The following SLC2A13 variants were observed in gnomAD, a reference collection of about 807,000 sequenced individuals.
SLC2A13 encodes proton myo-inositol cotransporter.
In SLC2A13, 32 loss-of-function variants were observed where a neutral mutation model predicts 64.4. The ratio of observed to expected loss-of-function variants is 0.50; its 90% CI spans 0.37 to 0.67. The LOEUF (loss-of-function observed/expected upper bound fraction) is 0.67, where lower values mean the gene tolerates loss of function less well. Ranked by LOEUF, SLC2A13 falls within the 30% of genes least tolerant of loss-of-function variation. SLC2A13 has a pLI of 0.00. For synonymous variants in SLC2A13, 338 were observed against 327.1 expected, an observed-to-expected ratio of 1.03 and a Z score of -0.36; for missense variants, 743 against 829.2, an observed-to-expected ratio of 0.90 and a Z score of 1.28.
At chr12:39,857,388 CT>C in intron 6 of SLC2A13, among the ~76,000 whole-genome samples, 1 of 152,158 alleles carries the variant, frequency 6.6e-6, no homozygotes, top group East Asian at 1.9e-4. Flanking sequence ...TCCTATATTC[CT>C]CTTGCCCTAA....
At chr12:39,953,309 T>C (rs1946264220) in intron 3 of SLC2A13, among the ~76,000 whole-genome samples, 1 of 152,210 alleles carries the variant, frequency 6.6e-6, no homozygotes, top group Admixed American at 6.5e-5. Context: ...GGATTTCCTG[T>C]TAAAAATAAA....
intron 4 of SLC2A13, among the ~76,000 whole-genome samples, chr12:39,921,002 A>C (rs185881372): frequency 6.6e-6 from 1 of 152,230 alleles, no homozygotes; most frequent in African/African-American, 2.4e-5. Context: ...GCAAACAGAC[A>C]AAGAGTAGTT....
At chr12:40,020,162 T>A in intron 3 of SLC2A13, among the ~76,000 whole-genome samples, 1 of 152,220 alleles carries the variant, frequency 6.6e-6, no homozygotes, top group Non-Finnish European at 1.5e-5. Flanking sequence ...TAAGAAACTC[T>A]GAGAAGATCT....
chr12:40,055,121 AG>A (rs1298169086), intron 1 of SLC2A13, among the ~76,000 whole-genome samples: 3 of 152,202 alleles, frequency 2.0e-5, no homozygotes, highest in East Asian at 3.8e-4. Context: ...TATGGTTACC[AG>A]GTTGTTAACA....
intron 7 of SLC2A13, among the ~76,000 whole-genome samples, chr12:39,828,692 T>A (rs1428867941): frequency 6.9e-6 from 1 of 144,722 alleles, no homozygotes; most frequent in African/African-American, 2.6e-5. Flanking sequence ...TGTTTATAAT[T>A]CTAGACTAGT....
chr12:40,061,467 G>C (rs17518204), intron 1 of SLC2A13, among the ~76,000 whole-genome samples: 426 of 152,050 alleles, frequency 2.8e-3, no homozygotes, highest in African/African-American at 9.9e-3. Flanking sequence ...GAAATATAGA[G>C]GGTCATTCTG....
intron 6 of SLC2A13, among the ~76,000 whole-genome samples, chr12:39,859,132 T>A (rs1199405531): frequency 6.6e-6 from 1 of 152,110 alleles, no homozygotes; most frequent in Admixed American, 6.6e-5. Context: ...CATCTACAGA[T>A]GAAGCCACAG....
intron 3 of SLC2A13, among the ~76,000 whole-genome samples, chr12:40,009,575 A>G (rs1947487549): frequency 6.6e-6 from 1 of 152,114 alleles, no homozygotes; most frequent in South Asian, 2.1e-4. Flanking sequence ...GGCTTCAGGC[A>G]TGTGCCACCA....
intron 6 of SLC2A13, among the ~76,000 whole-genome samples, chr12:39,838,461 T>G (rs2135866781): frequency 6.8e-6 from 1 of 146,130 alleles, no homozygotes; most frequent in South Asian, 2.2e-4. Context: ...CTGCACAATG[T>G]GCACATGTAC....
intron 1 of SLC2A13, among the ~76,000 whole-genome samples, chr12:40,072,323 G>A (rs920681784): frequency 3.3e-5 from 5 of 152,046 alleles, no homozygotes; most frequent in Non-Finnish European, 7.4e-5. Context: ...TGTGTTCTAC[G>A]TTCTATGTTC....
chr12:39,877,498 A>G (rs1409833756), intron 4 of SLC2A13, among the ~76,000 whole-genome samples: 1 of 152,238 alleles, frequency 6.6e-6, no homozygotes, highest in African/African-American at 2.4e-5. Flanking sequence ...GGACACAGCC[A>G]AACCGTATCA....
chr12:40,105,813 C>T lies in SLC2A13; in HGVS notation c.-5G>A, dbSNP rs1939291466. ...CTCGCTTGCCTTGCGGGACATAGGG[C>T]AGGGGCCCGGGGCTGCCCGGGGGGA... On this transcript the variant is annotated 5_prime_UTR_variant, in exon 1 of 10. Coordinates refer to ENST00000280871, the MANE Select transcript of SLC2A13 (RefSeq NM_052885.4). This position sits in a 1 kb window ranked among gnomAD's most constrained non-coding sequence, Gnocchi z 4.2. 4 of 1,463,884 alleles carry T rather than the reference C, an allele frequency of 2.7e-6. No homozygotes were observed. Among genetic ancestry groups the T allele is most frequent in the South Asian group, 1.3e-5 (1 of 74,414 alleles). 90.7% of individuals were successfully genotyped at this position (1,463,884 alleles called of 1,614,324 possible).
In SLC2A13 at chr12:40,080,200, T is replaced by C. The variant is rs980304161; in HGVS notation, c.556+25053A>G. The stretch of plus-strand genomic sequence containing the variant: ...TGACCATTGATGGCTTAAAGTCTAT[T>C]TTTTTCTAAATAAGAATAGCAACTC... On this transcript the variant is annotated intron_variant, in intron 1 of 9. Transcript: ENST00000280871. 2.6e-3 allele frequency among the ~76,000 whole-genome samples: 7 copies of C among 2,732 alleles called. No individual in the cohort carries two copies. The East Asian group carries it at 0.19, about 73-fold the overall frequency. 1.8% of individuals were successfully genotyped at this position (2,732 alleles called of 152,430 possible). A position where few individuals can be genotyped will look rare whatever the true frequency, so the allele number is the denominator to read the frequency against.
intron 7 of SLC2A13, among the ~76,000 whole-genome samples, chr12:39,783,061 C>T (rs1361953030): frequency 1.3e-5 from 2 of 152,162 alleles, no homozygotes; most frequent in African/African-American, 4.8e-5. Flanking sequence ...TGATGTTCCC[C>T]ATCCTGTGTC....
intron 3 of SLC2A13, among the ~76,000 whole-genome samples, chr12:39,991,068 T>C (rs1194280132): frequency 1.3e-5 from 2 of 152,176 alleles, no homozygotes; most frequent in African/African-American, 4.8e-5. Flanking sequence ...AGAAGTTTCC[T>C]CTGATTTGCA....
intron 4 of SLC2A13, among the ~76,000 whole-genome samples, chr12:39,890,053 C>G (rs1388545393): frequency 6.6e-6 from 1 of 152,012 alleles, no homozygotes; most frequent in Non-Finnish European, 1.5e-5. Flanking sequence ...TGGGTAGAAA[C>G]CCGATAATCT....
intron 6 of SLC2A13, among the ~76,000 whole-genome samples, chr12:39,845,393 A>AT (rs1239396381): frequency 6.6e-6 from 1 of 152,130 alleles, no homozygotes. Context: ...GTCAAACACT[A>AT]TAACACTTGG....
intron 4 of SLC2A13, among the ~76,000 whole-genome samples, chr12:39,895,347 G>A (rs1255366198): frequency 1.1e-4 from 17 of 151,080 alleles, no homozygotes; most frequent in Non-Finnish European, 1.8e-4. Context: ...AAAATTAGCC[G>A]GGCTTGGTGG....
chr12:40,102,219 T>C (rs1939175012), intron 1 of SLC2A13, among the ~76,000 whole-genome samples: 1 of 152,214 alleles, frequency 6.6e-6, no homozygotes, highest in Non-Finnish European at 1.5e-5. Context: ...ACCTCCAGGG[T>C]GGGATTTTTA....
Sources: gnomAD v4.1 joint callset for allele counts (sites outside exome capture counted in the v4.1 genomes callset) on GRCh38, gnomAD v4.1.1 for gene constraint, Gnocchi (gnomAD v3.1) non-coding constraint, MANE v1.5 for transcripts, NCBI Gene and HGNC (gene_info 2026-07-23, HGNC 2026-07-21) for gene names.